SNX9: variants seen among roughly 807,000 people sequenced by gnomAD.
The protein encoded by SNX9 is sorting nexin 9.
A neutral mutation model predicts 89.4 loss-of-function variants in SNX9; 44 were observed. That is an observed-to-expected ratio of 0.49 (90% confidence interval 0.39 to 0.63). SNX9 has a LOEUF of 0.63. Among genes scored for constraint, SNX9 ranks in the 30% least tolerant of loss-of-function variants. The pLI, the probability that SNX9 is intolerant of heterozygous loss-of-function variation, is 0.00. For synonymous variants in SNX9, 236 were observed against 247.8 expected (o/e 0.95, Z 0.45); for missense variants, 578 against 736.1 (o/e 0.79, Z 2.49).
At chr6:157,887,848 A>T (rs948456504) in intron 4 of SNX9, among the ~76,000 whole-genome samples, 1 of 152,190 alleles carries the variant, frequency 6.6e-6, no homozygotes, top group Non-Finnish European at 1.5e-5. Flanking sequence ...GTCGTCCACT[A>T]TATAAATGTT....
chr6:157,905,089 T>C (rs1391589756), intron 6 of SNX9, among the ~76,000 whole-genome samples: 1 of 152,202 alleles, frequency 6.6e-6, no homozygotes, highest in East Asian at 1.9e-4. Context: ...TTTCAGCCCC[T>C]AAGGCTACCT....
At chr6:157,874,240 T>C (rs1782475356) in intron 3 of SNX9, 1 of 152,332 alleles carries the variant, frequency 6.6e-6, no homozygotes, top group Admixed American at 6.5e-5. Context: ...CGTGTGCCCA[T>C]GCACACACCA....
intron 3 of SNX9, 25 bp downstream of exon 3, chr6:157,873,201 A>G (rs1379516039): frequency 6.6e-7 from 1 of 1,523,466 alleles, no homozygotes; most frequent in Non-Finnish European, 8.8e-7. Context: ...TCATTCATTC[A>G]TTAGAGCTCA....
chr6:157,873,205 G>T, intron 3 of SNX9, 29 bp downstream of exon 3: 1 of 1,504,960 alleles, frequency 6.6e-7, no homozygotes, highest in South Asian at 1.4e-5. Flanking sequence ...TCATTCATTA[G>T]AGCTCATCTT....
chr6:157,922,173 C>T (rs575584451), intron 10 of SNX9, among the ~76,000 whole-genome samples: 1 of 152,308 alleles, frequency 6.6e-6, no homozygotes, highest in African/African-American at 2.4e-5. Context: ...GCCCCTGTGG[C>T]CTGTAGTCTG....
intron 1 of SNX9, among the ~76,000 whole-genome samples, chr6:157,845,284 G>A (rs1781786580): frequency 6.6e-6 from 1 of 151,626 alleles, no homozygotes; most frequent in Admixed American, 6.6e-5. Context: ...AATTTTTTTT[G>A]TATTTTAGTA....
At chr6:157,938,996 T>G (rs1235875200) in intron 16 of SNX9, among the ~76,000 whole-genome samples, 1 of 152,192 alleles carries the variant, frequency 6.6e-6, no homozygotes, top group African/African-American at 2.4e-5. Context: ...TGAGAGACAT[T>G]TAAGATTCCT....
chr6:157,927,696 T>C (rs1783722684), intron 11 of SNX9, among the ~76,000 whole-genome samples: 1 of 151,516 alleles, frequency 6.6e-6, no homozygotes, highest in Non-Finnish European at 1.5e-5. Flanking sequence ...TAAAAGAAAT[T>C]TGCGTGGTTT....
chr6:157,859,591 A>G (rs1782077829), intron 1 of SNX9, among the ~76,000 whole-genome samples: 1 of 152,204 alleles, frequency 6.6e-6, no homozygotes, highest in Admixed American at 6.5e-5. Context: ...GAAAAATGTT[A>G]CTTTCGTATA....
At chr6:157,895,124 AC>A (rs1782952817) in intron 4 of SNX9, among the ~76,000 whole-genome samples, 1 of 152,216 alleles carries the variant, frequency 6.6e-6, no homozygotes, top group Non-Finnish European at 1.5e-5. Flanking sequence ...ATCCTTGTTG[AC>A]TTTGAGGTGA....
chr6:157,867,360 G>A (rs559398747), intron 1 of SNX9, among the ~76,000 whole-genome samples, 187 bp from the exon 2 acceptor site: 1 of 152,172 alleles, frequency 6.6e-6, no homozygotes, highest in African/African-American at 2.4e-5. Flanking sequence ...GGCTATCACC[G>A]TTGGTGTTAT....
intron 4 of SNX9, among the ~76,000 whole-genome samples, chr6:157,876,450 A>T (rs1782524178): frequency 6.6e-6 from 1 of 152,212 alleles, no homozygotes; most frequent in African/African-American, 2.4e-5. Flanking sequence ...CCTCAAAAGA[A>T]AAAGAATATC....
chr6:157,910,805 T>C (rs983196758), intron 9 of SNX9, among the ~76,000 whole-genome samples: 2 of 152,202 alleles, frequency 1.3e-5, no homozygotes, highest in Non-Finnish European at 2.9e-5. Flanking sequence ...CTACTCTATG[T>C]AGTCACTGAG....
intron 5 of SNX9, among the ~76,000 whole-genome samples, chr6:157,898,379 C>T (rs145674976): frequency 8.5e-5 from 13 of 152,278 alleles, no homozygotes; most frequent in African/African-American, 2.6e-4. Context: ...TGCTGTCGCC[C>T]GTGGATCACT....
intron 1 of SNX9, among the ~76,000 whole-genome samples, chr6:157,864,751 C>T (rs1426660216): frequency 6.6e-6 from 1 of 152,174 alleles, no homozygotes; most frequent in African/African-American, 2.4e-5. Flanking sequence ...AAACACCAGC[C>T]GGGCATGGTG....
At chr6:157,872,917 G>A (rs936183454) in intron 2 of SNX9, 185 bp from the exon 3 acceptor site, 22 of 447,302 alleles carry the variant, frequency 4.9e-5, no homozygotes, top group Non-Finnish European at 1.2e-5. Context: ...TTGTTTTTAG[G>A]TTACATCATT....
At chr6:157,873,637 T>C (rs1583211181) in intron 3 of SNX9, among the ~76,000 whole-genome samples, 2 of 147,882 alleles carry the variant, frequency 1.4e-5, no homozygotes, top group Middle Eastern at 7.2e-3. Flanking sequence ...ATTATAAATA[T>C]AGATATATAT....
At chr6:157,829,365 A>G (rs954497274) in intron 1 of SNX9, 4 of 152,146 alleles carry the variant, frequency 2.6e-5, no homozygotes, top group African/African-American at 9.7e-5. Context: ...CAGGGAGCCT[A>G]ATTAAAATCA....
At chr6:157,913,286 TACTA>T (rs1217564463) in intron 9 of SNX9, among the ~76,000 whole-genome samples, 9 of 152,074 alleles carry the variant, frequency 5.9e-5, no homozygotes, top group African/African-American at 2.2e-4. Context: ...AGGTGCATAA[TACTA>T]TCTATCTATA....
Sources: gnomAD v4.1 joint callset for allele counts (sites outside exome capture counted in the v4.1 genomes callset) on GRCh38, gnomAD v4.1.1 for gene constraint, MANE v1.5 for transcripts, NCBI Gene and HGNC (gene_info 2026-07-23, HGNC 2026-07-21) for gene names.